Variants in RDX observed in about 807,000 individuals in gnomAD.
RDX encodes the protein radixin.
In RDX, 32 loss-of-function variants were observed where a neutral mutation model predicts 83.7. The ratio of observed to expected loss-of-function variants is 0.38; its 90% CI spans 0.29 to 0.51. The LOEUF (loss-of-function observed/expected upper bound fraction) is 0.51, where lower values mean the gene tolerates loss of function less well. RDX is among the 20% of genes least tolerant of loss of function. RDX has a pLI of 0.87. For missense variants in RDX, 600 were observed against 689.9 expected (o/e 0.87, Z 1.46); for synonymous variants, 229 against 222.7 (o/e 1.03, Z -0.25).
At chr11:110,191,419 C>T (rs564860223) in intron 15 of RDX, among the ~76,000 whole-genome samples, 7 of 152,208 alleles carry the variant, frequency 4.6e-5, no homozygotes, top group African/African-American at 9.6e-5. Context: ...ATTAAAGGAA[C>T]ATATCTCAAA....
intron 10 of RDX, among the ~76,000 whole-genome samples, chr11:110,241,229 A>G (rs1865087055): frequency 6.6e-6 from 1 of 152,096 alleles, no homozygotes; most frequent in African/African-American, 2.4e-5. Context: ...TTCTACGATT[A>G]CTCATTTTAG....
chr11:110,274,862 G>A (rs1420254393), intron 2 of RDX, among the ~76,000 whole-genome samples: 1 of 152,074 alleles, frequency 6.6e-6, no homozygotes, highest in East Asian at 1.9e-4. Flanking sequence ...TGGCTATTAA[G>A]AACAATACTG....
chr11:110,273,384 C>T (rs74340902), intron 2 of RDX, among the ~76,000 whole-genome samples: 5,993 of 152,234 alleles, frequency 0.039, 231 homozygotes, highest in African/African-American at 0.091. Context: ...ATCTACAGTG[C>T]TTTATTTGCT....
intron 1 of RDX, among the ~76,000 whole-genome samples, chr11:110,293,563 A>G (rs995183523): frequency 6.6e-6 from 1 of 152,188 alleles, no homozygotes; most frequent in Non-Finnish European, 1.5e-5. Flanking sequence ...CAAGGAAGTT[A>G]CCAGAACAGT....
At chr11:110,247,280 GTTCA>G (rs1490576189) in intron 10 of RDX, among the ~76,000 whole-genome samples, 1 of 152,008 alleles carries the variant, frequency 6.6e-6, no homozygotes, top group East Asian at 1.9e-4. Context: ...TTCCAAAAAA[GTTCA>G]TATAGTCAGA....
intron 1 of RDX, among the ~76,000 whole-genome samples, chr11:110,282,486 T>C (rs1301796571): frequency 6.6e-6 from 1 of 152,178 alleles, no homozygotes; most frequent in Non-Finnish European, 1.5e-5. Context: ...AACAAATATG[T>C]ATAATGATAC....
chr11:110,278,751 G>A (rs1451503935), intron 2 of RDX, among the ~76,000 whole-genome samples: 4 of 150,016 alleles, frequency 2.7e-5, no homozygotes, highest in Non-Finnish European at 4.4e-5. Flanking sequence ...CATACTTTGC[G>A]ACCTGCTGAG....
At position 110,230,268 on chromosome 11, in the gene RDX, A is replaced by C. The variant is rs1361899547; in HGVS notation, c.*1601T>G. On this transcript the variant is annotated 3_prime_UTR_variant, in exon 14 of 14. Coordinates refer to ENST00000645495, the MANE Select transcript of RDX (RefSeq NM_002906.4). ...GTAGCTGAACCACACAGAGAAAACA[A>C]GGCTTTACGTATCTCCAAATTTAGC... 6.6e-6 allele frequency: 1 copy of C among 152,154 alleles called. No homozygotes were observed. Among genetic ancestry groups the C allele is most frequent in the Non-Finnish European group, 1.5e-5 (1 of 67,984 alleles). 9.4% of individuals were successfully genotyped at this position (152,154 alleles called of 1,614,324 possible). A position where few individuals can be genotyped will look rare whatever the true frequency, so the allele number is the denominator to read the frequency against.
intron 3 of RDX, among the ~76,000 whole-genome samples, chr11:110,269,322 GCA>G (rs1860197424): frequency 6.6e-6 from 1 of 152,072 alleles, no homozygotes; most frequent in Non-Finnish European, 1.5e-5. Context: ...AGATGTTCTT[GCA>G]CACTCTTTGG....
intron 11 of RDX, chr11:110,236,663 C>T (rs963186917): frequency 1.8e-5 from 3 of 163,582 alleles, no homozygotes; most frequent in African/African-American, 7.3e-5. Flanking sequence ...TTCTGTCACC[C>T]AGGCTGGAGC....
chr11:110,240,323 CA>C (rs34002793), intron 10 of RDX, among the ~76,000 whole-genome samples: 43,109 of 151,962 alleles, frequency 0.28, 6,504 homozygotes, highest in Middle Eastern at 0.35. Context: ...ACTCATATGT[CA>C]GAGCTAAATC....
intron 12 of RDX, among the ~76,000 whole-genome samples, chr11:110,233,711 A>G (rs901209992): frequency 5.3e-5 from 8 of 152,204 alleles, no homozygotes; most frequent in Non-Finnish European, 1.2e-4. Flanking sequence ...GACAGATTAA[A>G]AGAAAAACAA....
At chr11:110,242,588 T>C (rs1865144333) in intron 10 of RDX, among the ~76,000 whole-genome samples, 1 of 152,164 alleles carries the variant, frequency 6.6e-6, no homozygotes, top group African/African-American at 2.4e-5. Flanking sequence ...TCCCCAATAT[T>C]CATTTTATCA....
At position 110,233,499 on chromosome 11, in the gene RDX, T is replaced by C. The variant is rs1864724550; in HGVS notation, c.1345-20A>G. On this transcript the variant is annotated intron_variant, in intron 12 of 13. Coordinates refer to ENST00000645495, the MANE Select transcript of RDX (RefSeq NM_002906.4). ...AAAAGCCTGAACATTAAAAATACGT[T>C]TATGAGCAACTTACTTCAAAAATTA... is the stretch of plus-strand genomic sequence containing the variant. 2 of 1,613,474 alleles carry C rather than the reference T, an allele frequency of 1.2e-6. No individual in the cohort carries two copies. Among genetic ancestry groups the C allele is most frequent in the African/African-American group, 1.3e-5 (1 of 74,886 alleles).
intron 10 of RDX, chr11:110,237,855 T>C (rs770277295): frequency 2.8e-5 from 18 of 647,218 alleles, no homozygotes; most frequent in African/African-American, 5.4e-5. Flanking sequence ...CACTGCAGCC[T>C]CGAACTCATG....
intron 2 of RDX, chr11:110,273,186 C>T: frequency 2.3e-6 from 1 of 433,284 alleles, no homozygotes; most frequent in South Asian, 1.7e-5. Flanking sequence ...GAACTTCAGC[C>T]TGCACAACAG....
intron 14 of RDX, among the ~76,000 whole-genome samples, chr11:110,209,656 GCCT>G (rs1297237287): frequency 2.7e-5 from 4 of 147,912 alleles, no homozygotes; most frequent in Non-Finnish European, 6.0e-5. Context: ...CGGGCAGACT[GCCT>G]CCTCAAGTGG....
At chr11:110,272,650 G>A (rs761013128) in intron 2 of RDX, 31 bp from the exon 3 acceptor site, 4 of 1,446,446 alleles carry the variant, frequency 2.8e-6, no homozygotes, top group Non-Finnish European at 3.9e-6. Context: ...ATAATAAGTA[G>A]AAGAGAAGTT....
intron 1 of RDX, among the ~76,000 whole-genome samples, chr11:110,288,860 T>C (rs1240506070): frequency 6.6e-6 from 1 of 152,222 alleles, no homozygotes; most frequent in Non-Finnish European, 1.5e-5. Context: ...GGCAATAGTT[T>C]CCTCTCTTTT....
Sources: gnomAD v4.1 joint callset for allele counts (sites outside exome capture counted in the v4.1 genomes callset) on GRCh38, gnomAD v4.1.1 for gene constraint, MANE v1.5 for transcripts, NCBI Gene and HGNC (gene_info 2026-07-23, HGNC 2026-07-21) for gene names.